SLC66A2: variants seen among roughly 807,000 people sequenced by gnomAD.
The protein encoded by SLC66A2 is PQ loop repeat containing 1.
In SLC66A2, 23 loss-of-function variants were observed where a neutral mutation model predicts 25.5. That is an observed-to-expected ratio of 0.90 (90% confidence interval 0.65 to 1.28). SLC66A2 has a LOEUF of 1.28. Ranked by LOEUF, SLC66A2 falls within the 50% of genes most tolerant of loss-of-function variation. The probability of loss-of-function intolerance (pLI) is 0.00; values close to 1 mark genes in which losing one functional copy is unlikely to be tolerated. For synonymous variants in SLC66A2, 193 were observed against 166.5 expected, an observed-to-expected ratio of 1.16 and a Z score of -1.23; for missense variants, 396 against 373.1, an observed-to-expected ratio of 1.06 and a Z score of -0.51.
rs1987256940 is a variant in SLC66A2 at position 79,937,847 on chromosome 18, A to T, written c.338-3825T>A. On this transcript the variant is annotated intron_variant, in intron 3 of 5. Transcript: ENST00000397778. The surrounding 1 kb of genome is among the most constrained non-coding windows in gnomAD (Gnocchi z 5.4). ...ACACCAGGAGTGCCATCTCCACTGC[A>T]GGGCTTCCCAAAACTCAGCCTGCAG... 6.6e-6 allele frequency among the ~76,000 whole-genome samples: 1 copy of T among 152,196 alleles called. No individual in the cohort carries two copies. Among genetic ancestry groups the T allele is most frequent in the Non-Finnish European group, 1.5e-5 (1 of 68,032 alleles).
rs910308345 is a variant in SLC66A2, at chr18:79,927,365, C to A, written c.391+6604G>T. ...CTCATCTGGAGGGACCTGAGGGGCA[C>A]AGGCTACAGTCAGGAGAGCACAGAC... On this transcript the variant is annotated intron_variant, in intron 4 of 5. Coordinates refer to ENST00000397778, the MANE Select transcript of SLC66A2 (RefSeq NM_025078.5). This position sits in a 1 kb window ranked among gnomAD's most constrained non-coding sequence, Gnocchi z 6.2. Among the ~76,000 whole-genome samples, 1 of 151,916 alleles carries A rather than the reference C, an allele frequency of 6.6e-6. No homozygotes were observed. The highest frequency in any genetic ancestry group is 6.5e-5 in the Admixed American group (1 of 15,288).
intron 5 of SLC66A2, among the ~76,000 whole-genome samples, chr18:79,909,632 CCTTCCCCACATCCTCACCAT>C (rs1181346585): frequency 3.0e-5 from 4 of 134,096 alleles, no homozygotes; most frequent in African/African-American, 1.1e-4. Context: ...GAGTCCGCAA[CCTTCCCCACATCCTCACCAT>C]AGAGTCCCCA....
At chr18:79,948,655 T>G (rs1339506349) in intron 2 of SLC66A2, among the ~76,000 whole-genome samples, 1 of 152,200 alleles carries the variant, frequency 6.6e-6, no homozygotes, top group African/African-American at 2.4e-5. Context: ...TTATTTTCTT[T>G]TAGCAACTTT....
intron 3 of SLC66A2, among the ~76,000 whole-genome samples, chr18:79,939,183 T>C (rs1301901990): frequency 6.6e-6 from 1 of 152,260 alleles, no homozygotes; most frequent in Non-Finnish European, 1.5e-5. Context: ...CTGGAAAACA[T>C]TTCCGCTTTT....
intron 4 of SLC66A2, among the ~76,000 whole-genome samples, chr18:79,923,838 A>C (rs1479973890): frequency 1.3e-5 from 2 of 152,164 alleles, no homozygotes; most frequent in African/African-American, 4.8e-5. Flanking sequence ...ACTTGAGTCC[A>C]GGAGGTCTTG....
chr18:79,909,660 C>G (rs9963827), intron 5 of SLC66A2, among the ~76,000 whole-genome samples: 4 of 140,190 alleles, frequency 2.9e-5, no homozygotes, highest in Non-Finnish European at 6.1e-5. Context: ...CATAGAGTCC[C>G]CAACCTTCCC....
In SLC66A2 at chr18:79,951,001, C is replaced by CCG; in HGVS notation, c.-77_-76dup. 8.4e-7 allele frequency: 1 copy of CCG among 1,196,158 alleles called. No homozygotes were observed. The highest frequency in any genetic ancestry group is 1.1e-6 in the Non-Finnish European group (1 of 912,212). The allele number at this position is 1,196,158 out of a possible 1,614,324, so 74.1% of individuals were successfully genotyped here. A position where few individuals can be genotyped will look rare whatever the true frequency, so the allele number is the denominator to read the frequency against. On this transcript the variant is annotated 5_prime_UTR_variant, in exon 2 of 6. Transcript: ENST00000397778. ...CACCGGCCGCCTGCTCATCGCCGCT[C>CCG]CGCGCGCTCCTGCGGCCTCGGGGCC...
At chr18:79,947,443 C>G (rs1458785681) in intron 2 of SLC66A2, 1 of 138,272 alleles carries the variant, frequency 7.2e-6, no homozygotes, top group East Asian at 2.3e-4. Context: ...TGCCATGCAC[C>G]CCAAATCCCC....
intron 5 of SLC66A2, among the ~76,000 whole-genome samples, chr18:79,916,823 CTG>C (rs566162082): frequency 3.6e-4 from 55 of 152,366 alleles, no homozygotes; most frequent in African/African-American, 1.3e-3. Flanking sequence ...TCCCAGAGCT[CTG>C]TGAGCCGCTC....
At chr18:79,919,433 G>C in intron 4 of SLC66A2, 33 bp from the exon 5 acceptor site, 1 of 1,585,734 alleles carries the variant, frequency 6.3e-7, no homozygotes, top group Non-Finnish European at 8.6e-7. Context: ...CCTCAGCACA[G>C]CTTAGGGTCC....
chr18:79,942,524 C>A (rs1987764995), intron 3 of SLC66A2, among the ~76,000 whole-genome samples: 1 of 152,180 alleles, frequency 6.6e-6, no homozygotes, highest in Admixed American at 6.5e-5. Flanking sequence ...TCCACAGAAG[C>A]CCCAAACTTA....
At chr18:79,942,804 G>A (rs1323176024) in intron 3 of SLC66A2, among the ~76,000 whole-genome samples, 1 of 152,190 alleles carries the variant, frequency 6.6e-6, no homozygotes, top group African/African-American at 2.4e-5. Context: ...CATGTGATTG[G>A]TCCTGCCCAG....
chr18:79,947,457 G>A (rs12970432), intron 2 of SLC66A2: 1,827 of 123,308 alleles, frequency 0.015, 18 homozygotes, highest in Non-Finnish European at 0.024. Flanking sequence ...AATCCCCAAC[G>A]GGGAGCTGCC....
intron 3 of SLC66A2, 69 bp downstream of exon 3, chr18:79,943,260 C>T: frequency 2.5e-6 from 4 of 1,568,646 alleles, no homozygotes; most frequent in Non-Finnish European, 3.5e-6. Context: ...ATTAGAGTGG[C>T]TTTTGTTTCA....
intron 5 of SLC66A2, among the ~76,000 whole-genome samples, chr18:79,913,465 G>A (rs1983533186): frequency 6.6e-6 from 1 of 152,246 alleles, no homozygotes. Flanking sequence ...AGCTGTTTCT[G>A]AAGCTTTATC....
chr18:79,927,677 G>A lies in SLC66A2; in HGVS notation c.391+6292C>T, dbSNP rs960660519. ...ACAGAGCCCCCGCCCCAACCCCAGT[G>A]AGTGGGACAGGCTGAGTGGGGACTG... On this transcript the variant is annotated intron_variant, in intron 4 of 5. Transcript: ENST00000397778. This position sits in a 1 kb window ranked among gnomAD's most constrained non-coding sequence, Gnocchi z 6.2. 3.3e-5 allele frequency among the ~76,000 whole-genome samples: 5 copies of A among 152,156 alleles called. No individual in the cohort carries two copies. The highest frequency in any genetic ancestry group is 4.8e-5 in the African/African-American group (2 of 41,444).
At chr18:79,935,077 T>C (rs1439143812) in intron 3 of SLC66A2, among the ~76,000 whole-genome samples, 1 of 152,054 alleles carries the variant, frequency 6.6e-6, no homozygotes, top group Non-Finnish European at 1.5e-5. Context: ...GTTGCTTTGA[T>C]TTAGACAACA....
chr18:79,939,990 T>C (rs890233951), intron 3 of SLC66A2, among the ~76,000 whole-genome samples: 3 of 152,236 alleles, frequency 2.0e-5, no homozygotes, highest in Non-Finnish European at 4.4e-5. Context: ...GAAAATCATC[T>C]AGATTTTCTT....
intron 4 of SLC66A2, among the ~76,000 whole-genome samples, chr18:79,932,974 C>T (rs993081763): frequency 6.6e-6 from 1 of 152,190 alleles, no homozygotes; most frequent in Non-Finnish European, 1.5e-5. Flanking sequence ...TATCCTAATA[C>T]TAAATCTAGA....
Sources: allele counts gnomAD v4.1 joint callset (sites outside exome capture counted in the v4.1 genomes callset), GRCh38; gene constraint gnomAD v4.1.1; non-coding constraint Gnocchi (gnomAD v3.1); transcripts MANE v1.5; gene names NCBI Gene and HGNC (gene_info 2026-07-23, HGNC 2026-07-21).